The following ABCB1 variants were observed in gnomAD, a reference collection of about 807,000 sequenced individuals.
ABCB1 encodes ATP binding cassette subfamily B member 1.
In ABCB1, 69 loss-of-function variants were observed where a neutral mutation model predicts 142.0. The observed-to-expected ratio is 0.49, with a 90% CI of 0.40 to 0.59. ABCB1 has a LOEUF of 0.59. ABCB1 is among the 20% of genes least tolerant of loss of function. ABCB1 has a pLI of 0.00. For missense variants in ABCB1, 1,326 were observed against 1,554.7 expected (o/e 0.85, Z 2.47); for synonymous variants, 532 against 539.2 (o/e 0.99, Z 0.18).
rs1043511599 is a variant in ABCB1 at position 87,693,234 on chromosome 7, A to T, written c.-331+19927T>A. Among the ~76,000 whole-genome samples, 4 of 152,310 alleles carry T rather than the reference A, an allele frequency of 2.6e-5. No homozygotes were observed. In the South Asian group the frequency reaches 6.2e-4, roughly 24 times the overall value. On this transcript the variant is annotated intron_variant, in intron 1 of 28. Coordinates refer to the ABCB1 transcript ENST00000265724. ...TTTCAGTTGGTGATTGTTAAATAAG[A>T]GTTAGAAGCTGTAACAAATAAAACA...
At chr7:87,701,356 T>G (rs957120293) in intron 1 of ABCB1, among the ~76,000 whole-genome samples, 1 of 152,222 alleles carries the variant, frequency 6.6e-6, no homozygotes, top group Non-Finnish European at 1.5e-5. Flanking sequence ...AAGTAAAAAC[T>G]AGAATTTTAG....
Position 87,566,852 on chromosome 7 carries a change from T to C in ABCB1, c.463A>G (p.Ile155Val), listed in dbSNP as rs149518139. The C allele has an allele frequency of 2.5e-6, 4 of 1,614,156 alleles. No homozygotes were observed. The highest frequency in any genetic ancestry group is 2.2e-5 in the East Asian group (1 of 44,888). The change falls in exon 6 of 28, where the codon ATA becomes GTA. Residue 155 changes from isoleucine to valine, a missense_variant. Physicochemically the swap from Ile to Val is conservative, Grantham distance 29. Transcript: ENST00000622132. Reference protein sequence around the residue: ...HKIRKQFFHAIMRQEIGWFDV... With the variant: ...HKIRKQFFHAVMRQEIGWFDV... ...AACCAGCCTATCTCCTGTCGCATTA[T>C]AGCATGAAAAAACTGTTTTCTAATT...
intron 1 of ABCB1, among the ~76,000 whole-genome samples, chr7:87,626,761 G>GAC (rs1820673308): frequency 7.2e-6 from 1 of 138,364 alleles, no homozygotes; most frequent in Non-Finnish European, 1.6e-5. Flanking sequence ...TCATATATAT[G>GAC]TCATATATAT....
rs1016975479 is a variant in ABCB1, at chr7:87,566,515, G to C, written c.530+270C>G. Among the ~76,000 whole-genome samples the C allele has an allele frequency of 3.3e-5, 5 of 152,272 alleles. No individual in the cohort carries two copies. In the East Asian group the frequency reaches 9.6e-4, roughly 29 times the overall value. ...CAGAAATTTCCTCAGAAAGTATCTT[G>C]TTTTGCTCTACTGCACATTCTCAGA... On this transcript the variant is annotated intron_variant, in intron 6 of 27. Transcript: ENST00000622132.
At chr7:87,514,313 T>C (rs868293664) in intron 25 of ABCB1, among the ~76,000 whole-genome samples, 11 of 152,186 alleles carry the variant, frequency 7.2e-5, no homozygotes, top group African/African-American at 2.4e-4. Flanking sequence ...GTACAACTAA[T>C]TACATGCCTA....
chr7:87,688,233 T>C (rs535249256), intron 1 of ABCB1, among the ~76,000 whole-genome samples: 1 of 152,092 alleles, frequency 6.6e-6, no homozygotes, highest in South Asian at 2.1e-4. Flanking sequence ...ATGTATACCT[T>C]AGTAAATTTG....
intron 1 of ABCB1, among the ~76,000 whole-genome samples, chr7:87,684,096 CA>C (rs1827206854): frequency 6.6e-6 from 1 of 152,014 alleles, no homozygotes; most frequent in Non-Finnish European, 1.5e-5. Flanking sequence ...AACTTTAATT[CA>C]TGTTAAAAAA....
chr7:87,702,160 A>AAAAAAC (rs1408789205), intron 1 of ABCB1, among the ~76,000 whole-genome samples: 2 of 150,106 alleles, frequency 1.3e-5, no homozygotes, highest in African/African-American at 4.9e-5. Context: ...AAAAAAAAAA[A>AAAAAAC]AAAAAAAAAA....
chr7:87,701,167 G>A (rs1829003989), intron 1 of ABCB1, among the ~76,000 whole-genome samples: 1 of 152,188 alleles, frequency 6.6e-6, no homozygotes, highest in Admixed American at 6.5e-5. Context: ...TGAATTGTGA[G>A]CTGAACTAGA....
chr7:87,522,130 G>A, intron 21 of ABCB1: 1 of 1,368,988 alleles, frequency 7.3e-7, no homozygotes, highest in Non-Finnish European at 1.0e-6. Flanking sequence ...AAACTTCAGT[G>A]GTCATTGTGG....
chr7:87,616,770 T>C (rs1820044765), intron 1 of ABCB1, among the ~76,000 whole-genome samples: 1 of 152,222 alleles, frequency 6.6e-6, no homozygotes, highest in Non-Finnish European at 1.5e-5. Context: ...ATATAATTCA[T>C]GAAGAGCAAA....
At chr7:87,515,472 GAAAAT>G in intron 24 of ABCB1, 44 bp from the exon 25 acceptor site, 2 of 1,567,824 alleles carry the variant, frequency 1.3e-6, no homozygotes, top group Non-Finnish European at 8.8e-7. Flanking sequence ...CTGCAATACT[GAAAAT>G]AAAGTGTATA....
rs1353631849 is a variant in ABCB1 at position 87,626,250 on chromosome 7, CAT to C, written c.-330-25174_-330-25173del. Reference sequence around the variant, plus strand: ...TCATATATATGTGTCATATATATGTCATATATATGTGTCATATATGTGTCATA... The same window carrying C: ...TCATATATATGTGTCATATATATGTCATATATGTGTCATATATGTGTCATA... On this transcript the variant is annotated intron_variant, in intron 1 of 28. Coordinates refer to the ABCB1 transcript ENST00000265724. Among the ~76,000 whole-genome samples, 9 of 72,098 alleles carry C rather than the reference CAT, an allele frequency of 1.2e-4. 3 individuals carry two copies. Among genetic ancestry groups the C allele is most frequent in the Non-Finnish European group, 2.0e-4 (8 of 39,244 alleles). The allele number at this position is 72,098 out of a possible 152,430, so 47.3% of individuals were successfully genotyped here.
Position 87,626,318 on chromosome 7 carries a change from G to A in ABCB1, c.-330-25240C>T, listed in dbSNP as rs5014440. On this transcript the variant is annotated intron_variant, in intron 1 of 28. Coordinates refer to the ABCB1 transcript ENST00000265724. ...TGTGTCATATATATGTGTCGTATAT[G>A]TGTCATATATATGTGTCGTATATGT... Among the ~76,000 whole-genome samples, 25 of 32,538 alleles carry A rather than the reference G, an allele frequency of 7.7e-4. 1 individual carries two copies. The highest frequency in any genetic ancestry group is 8.8e-4 in the Admixed American group (2 of 2,266). The allele number at this position is 32,538 out of a possible 152,430, so 21.3% of individuals were successfully genotyped here. A position where few individuals can be genotyped will look rare whatever the true frequency, so the allele number is the denominator to read the frequency against.
intron 1 of ABCB1, among the ~76,000 whole-genome samples, chr7:87,643,527 T>A (rs945096547): frequency 6.6e-6 from 1 of 151,844 alleles, no homozygotes; most frequent in Non-Finnish European, 1.5e-5. Flanking sequence ...CTTTTTTGGG[T>A]GTGTGGGTGC....
In ABCB1 at chr7:87,568,266, T is replaced by TAATAA. The variant is rs377151956; in HGVS notation, c.339-1291_339-1290insTTATT. Among the ~76,000 whole-genome samples the TAATAA allele has an allele frequency of 6.2e-5, 9 of 145,672 alleles. No homozygotes were observed. In the South Asian group the frequency reaches 1.1e-3, roughly 18 times the overall value. ...ACAATAATAATAATAATAATAATAA[T>TAATAA]AAAAATTAGCCGGGTGTGGTGGTGC... is the stretch of plus-strand genomic sequence containing the variant. On this transcript the variant is annotated intron_variant, in intron 5 of 27. Transcript: ENST00000622132.
At chr7:87,518,757 A>C (rs1300493544) in intron 23 of ABCB1, 1 of 152,650 alleles carries the variant, frequency 6.6e-6, no homozygotes, top group African/African-American at 2.4e-5. Flanking sequence ...GTACTTTTGT[A>C]GTATAATTGC....
At chr7:87,543,248 C>T (rs530378000) in intron 17 of ABCB1, among the ~76,000 whole-genome samples, 9 of 152,134 alleles carry the variant, frequency 5.9e-5, no homozygotes, top group East Asian at 1.9e-4. Flanking sequence ...GAGCCGAGTT[C>T]GCACCACTGC....
chr7:87,559,442 T>G (rs1046788586), intron 8 of ABCB1, among the ~76,000 whole-genome samples: 2 of 152,074 alleles, frequency 1.3e-5, no homozygotes, highest in Admixed American at 1.3e-4. Context: ...TCTTTTTTTG[T>G]TCCTGATTAA....
Sources: allele counts gnomAD v4.1 joint callset (sites outside exome capture counted in the v4.1 genomes callset), GRCh38; gene constraint gnomAD v4.1.1; transcripts MANE v1.5; gene names NCBI Gene and HGNC (gene_info 2026-07-23, HGNC 2026-07-21).